WDR17: variants seen among roughly 807,000 people sequenced by gnomAD.
The protein encoded by WDR17 is WD repeat-containing protein 17.
WDR17 carries 143 observed loss-of-function variants against 161.7 expected under a neutral mutation model. That is an observed-to-expected ratio of 0.88 (90% CI 0.77 to 1.02). The LOEUF (loss-of-function observed/expected upper bound fraction) is 1.02. Among genes scored for constraint, WDR17 ranks in the 50% least tolerant of loss-of-function variants. The probability of loss-of-function intolerance (pLI) is 0.00; values close to 1 mark genes in which losing one functional copy is unlikely to be tolerated. For missense variants in WDR17, 1,469 were observed against 1,520.9 expected, an observed-to-expected ratio of 0.97 and a Z score of 0.57; for synonymous variants, 517 against 515.6, an observed-to-expected ratio of 1.00 and a Z score of -0.04.
chr4:176,074,810 C>CT (rs386357678), intron 1 of WDR17, among the ~76,000 whole-genome samples: 15,592 of 79,118 alleles, frequency 0.2, 1,669 homozygotes, highest in African/African-American at 0.28. Flanking sequence ...TTTTTTAATG[C>CT]TTTTTTTTTT....
At chr4:176,118,134 A>C (rs1740930360) in intron 3 of WDR17, among the ~76,000 whole-genome samples, 1 of 152,200 alleles carries the variant, frequency 6.6e-6, no homozygotes, top group Admixed American at 6.5e-5. Flanking sequence ...GTCACAGTGG[A>C]TAATAATACT....
chr4:176,077,856 C>T (rs116497922), intron 1 of WDR17, among the ~76,000 whole-genome samples: 157 of 151,996 alleles, frequency 1.0e-3, no homozygotes, highest in Middle Eastern at 3.4e-3. Context: ...TATATTATCT[C>T]TGATTTCACA....
chr4:176,176,236 G>A (rs1289315562), intron 26 of WDR17, among the ~76,000 whole-genome samples: 1 of 152,184 alleles, frequency 6.6e-6, no homozygotes, highest in Non-Finnish European at 1.5e-5. Context: ...AAGGGCAGGA[G>A]AGACTTGAGA....
chr4:176,130,479 T>G (rs1743176183), intron 6 of WDR17, among the ~76,000 whole-genome samples: 1 of 152,072 alleles, frequency 6.6e-6, no homozygotes, highest in Admixed American at 6.6e-5. Context: ...GCGCGGTGGC[T>G]CATGCCTGTA....
chr4:176,130,561 A>G (rs141869529), intron 6 of WDR17, among the ~76,000 whole-genome samples: 9,336 of 151,592 alleles, frequency 0.062, 786 homozygotes, highest in East Asian at 0.42. Context: ...TGGCTAACAC[A>G]GTGAAACCCT....
intron 3 of WDR17, among the ~76,000 whole-genome samples, chr4:176,117,433 A>C (rs72706348): frequency 0.32 from 48,643 of 151,866 alleles, 8,591 homozygotes; most frequent in East Asian, 0.43. Flanking sequence ...AAAATGTTGC[A>C]CGATATTATT....
intron 8 of WDR17, among the ~76,000 whole-genome samples, chr4:176,135,847 C>A (rs1415165263): frequency 2.0e-5 from 3 of 151,510 alleles, no homozygotes; most frequent in African/African-American, 7.3e-5. Flanking sequence ...ATTTCACACA[C>A]CTAAATGAAT....
intron 2 of WDR17, 53 bp from the exon 3 acceptor site, chr4:176,115,743 G>A: frequency 1.5e-6 from 2 of 1,367,960 alleles, no homozygotes; most frequent in South Asian, 3.0e-5. Context: ...TATTAACAGT[G>A]TATTATCTTA....
intron 1 of WDR17, among the ~76,000 whole-genome samples, chr4:176,076,624 A>C (rs1734070244): frequency 6.7e-6 from 1 of 149,506 alleles, no homozygotes; most frequent in South Asian, 2.1e-4. Flanking sequence ...CATTGATATG[A>C]TTTTTTTTTG....
chr4:176,144,281 A>G lies in WDR17; in HGVS notation c.1530-1714A>G, dbSNP rs549309156. On this transcript the variant is annotated intron_variant, in intron 11 of 28. Coordinates refer to ENST00000508596, the MANE Select transcript of WDR17 (RefSeq NM_181265.4). Reference sequence around the variant, plus strand: ...ATATGCCTTTGGAGCACTTAATATAATAAAATTAAATTTTATTTGTTGGCT... The same window carrying G: ...ATATGCCTTTGGAGCACTTAATATAGTAAAATTAAATTTTATTTGTTGGCT... Among the ~76,000 whole-genome samples the G allele has an allele frequency of 7.2e-5, 11 of 152,332 alleles. No individual in the cohort carries two copies. In the South Asian group the frequency reaches 2.3e-3, roughly 32 times the overall value.
At position 176,167,434 on chromosome 4, in the gene WDR17, C is replaced by G. The variant is rs543369879; in HGVS notation, c.2991-1238C>G. Among the ~76,000 whole-genome samples, 305 of 150,996 alleles carry G rather than the reference C, an allele frequency of 2.0e-3. 2 individuals carry two copies. Among genetic ancestry groups the G allele is most frequent in the African/African-American group, 7.2e-3 (295 of 41,142 alleles). ...GGCCGAGGCGGGCGGATCACGAGGT[C>G]AGGAGATCGAGACCATCCTGGCTAA... On this transcript the variant is annotated intron_variant, in intron 22 of 28. Transcript: ENST00000508596.
At chr4:176,145,023 A>G (rs549691720) in intron 11 of WDR17, among the ~76,000 whole-genome samples, 5 of 152,152 alleles carry the variant, frequency 3.3e-5, no homozygotes, top group Non-Finnish European at 7.3e-5. Flanking sequence ...CAGTTTGCAA[A>G]CTGCCGTATT....
intron 23 of WDR17, among the ~76,000 whole-genome samples, chr4:176,170,878 T>C (rs143838084): frequency 1.1e-4 from 16 of 152,336 alleles, no homozygotes; most frequent in African/African-American, 3.8e-4. Flanking sequence ...TGGGTAAATC[T>C]ATCATAAGTC....
chr4:176,118,725 T>C (rs1188008209), intron 3 of WDR17, among the ~76,000 whole-genome samples: 2 of 152,144 alleles, frequency 1.3e-5, no homozygotes, highest in Non-Finnish European at 2.9e-5. Context: ...TTTCTAAACC[T>C]TTCTGCATAT....
chr4:176,098,063 C>G (rs1289346161), intron 1 of WDR17: 4 of 151,932 alleles, frequency 2.6e-5, no homozygotes, highest in Non-Finnish European at 5.9e-5. Flanking sequence ...TATTGACCAG[C>G]TCTCATACAT....
rs990131874 is a variant in WDR17, at chr4:176,149,711, A to C, written c.1898-96A>C. 35 of 1,471,920 alleles carry C rather than the reference A, an allele frequency of 2.4e-5. No homozygotes were observed. The African/African-American group carries it at 4.6e-4, about 19-fold the overall frequency. 91.2% of individuals were successfully genotyped at this position (1,471,920 alleles called of 1,614,324 possible). ...TTTCAGTTACTCACAATATTTCTTCATAGCTTCAATTCTGTAGAAGTTTTA... is the reference window on the plus strand; with the variant it reads ...TTTCAGTTACTCACAATATTTCTTCCTAGCTTCAATTCTGTAGAAGTTTTA... On this transcript the variant is annotated intron_variant, in intron 13 of 28. Transcript: ENST00000508596.
chr4:176,151,676 T>G, intron 16 of WDR17, 136 bp from the exon 17 acceptor site: 1 of 749,458 alleles, frequency 1.3e-6, no homozygotes. Flanking sequence ...ACCTCAAGCA[T>G]TTATCTTTTT....
In WDR17 at chr4:176,160,914, G is replaced by T; in HGVS notation, c.2662G>T (p.Ala888Ser). The part of the protein sequence containing the change: ...LKEALLVAQA[A>S]CEGNMQPLHV... ...TCAACATTTAATTAAATTCTAGGCT[G>T]CTTGTGAAGGAAATATGCAGCCCTT... The change falls in exon 20 of 29, where the codon GCT (alanine) becomes TCT (serine). Residue 888 changes from alanine to serine, a missense_variant. Ala to Ser is a moderately conservative substitution (Grantham distance 99, BLOSUM62 1). Transcript: ENST00000508596. 1 of 1,590,514 alleles carries T rather than the reference G, an allele frequency of 6.3e-7. No homozygotes were observed.
At chr4:176,169,316 A>C (rs1308482627) in intron 23 of WDR17, among the ~76,000 whole-genome samples, 2 of 152,196 alleles carry the variant, frequency 1.3e-5, no homozygotes, top group African/African-American at 4.8e-5. Context: ...ATACAAAAAC[A>C]ACCAAAATGT....
Sources: allele counts gnomAD v4.1 joint callset (sites outside exome capture counted in the v4.1 genomes callset), GRCh38; gene constraint gnomAD v4.1.1; transcripts MANE v1.5; gene names NCBI Gene and HGNC (gene_info 2026-07-23, HGNC 2026-07-21).